The following CSMD1 variants were observed in gnomAD, a reference collection of about 807,000 sequenced individuals.
CSMD1 encodes CUB and Sushi multiple domains 1, also known as CUB and sushi domain-containing protein 1.
A neutral mutation model predicts 417.5 loss-of-function variants in CSMD1; 213 were observed. The observed-to-expected ratio is 0.51, with a 90% CI of 0.46 to 0.57. The LOEUF is 0.57. CSMD1 is among the 20% of genes least tolerant of loss of function. The pLI is 0.00. For missense variants in CSMD1, 6,923 were observed against 4,529.7 expected (o/e 1.53, Z -15.17); for synonymous variants, 2,862 against 1,736.8 (o/e 1.65, Z -16.11).
chr8:4,550,108 C>T (rs866994755), intron 2 of CSMD1, among the ~76,000 whole-genome samples: 8 of 151,630 alleles, frequency 5.3e-5, no homozygotes, highest in Non-Finnish European at 7.4e-5. Flanking sequence ...TCGGTAGAAA[C>T]GGACTTTTCC....
At chr8:4,549,748 T>C (rs1797783429) in intron 2 of CSMD1, among the ~76,000 whole-genome samples, 1 of 151,434 alleles carries the variant, frequency 6.6e-6, no homozygotes, top group African/African-American at 2.4e-5. Context: ...AATACAAAAA[T>C]TAGCTGGGTG....
intron 2 of CSMD1, among the ~76,000 whole-genome samples, chr8:4,589,660 A>G (rs1243822668): frequency 6.6e-6 from 1 of 152,210 alleles, no homozygotes; most frequent in Non-Finnish European, 1.5e-5. Context: ...TTGCACTGTG[A>G]AGACCAAGCA....
intron 1 of CSMD1, among the ~76,000 whole-genome samples, chr8:4,972,363 G>T (rs935116948): frequency 5.3e-5 from 8 of 152,104 alleles, no homozygotes; most frequent in Non-Finnish European, 8.8e-5. Context: ...GCAGGTAATT[G>T]AATCATGGGA....
chr8:3,144,665 T>C (rs1334994903), intron 40 of CSMD1, among the ~76,000 whole-genome samples: 3 of 151,926 alleles, frequency 2.0e-5, no homozygotes, highest in African/African-American at 7.3e-5. Context: ...TTCAAAAATG[T>C]CAAATACTGC....
At chr8:4,247,009 C>T (rs1411305545) in intron 3 of CSMD1, among the ~76,000 whole-genome samples, 2 of 152,122 alleles carry the variant, frequency 1.3e-5, no homozygotes, top group African/African-American at 2.4e-5. Flanking sequence ...AAACACTCAG[C>T]GCCCCATATG....
intron 46 of CSMD1, among the ~76,000 whole-genome samples, chr8:3,098,090 T>C (rs1028231407): frequency 6.6e-6 from 1 of 152,244 alleles, no homozygotes; most frequent in Non-Finnish European, 1.5e-5. Context: ...CACTGAATTA[T>C]CTTCCAGAAA....
At chr8:3,930,169 C>T (rs186342298) in intron 5 of CSMD1, among the ~76,000 whole-genome samples, 1 of 150,126 alleles carries the variant, frequency 6.7e-6, no homozygotes, top group African/African-American at 2.5e-5. Context: ...CCAGTGAGAA[C>T]ATCAGTTATA....
intron 8 of CSMD1, among the ~76,000 whole-genome samples, chr8:3,597,749 CA>C (rs1394881944): frequency 4.6e-5 from 7 of 152,056 alleles, no homozygotes; most frequent in Non-Finnish European, 1.0e-4. Context: ...GAAAACCAAA[CA>C]TTGCATGTTC....
intron 11 of CSMD1, among the ~76,000 whole-genome samples, chr8:3,483,835 T>C (rs1817877278): frequency 6.6e-6 from 1 of 152,162 alleles, no homozygotes; most frequent in African/African-American, 2.4e-5. Flanking sequence ...CTGAGTCAAC[T>C]TTTAAAAAAA....
At chr8:4,694,143 T>C (rs1052038184) in intron 1 of CSMD1, among the ~76,000 whole-genome samples, 9 of 152,170 alleles carry the variant, frequency 5.9e-5, no homozygotes, top group African/African-American at 2.2e-4. Flanking sequence ...CACGGGAATT[T>C]CCTTGTGGAC....
chr8:3,629,926 G>T (rs186022058), intron 7 of CSMD1, among the ~76,000 whole-genome samples: 1 of 152,182 alleles, frequency 6.6e-6, no homozygotes, highest in Admixed American at 6.5e-5. Flanking sequence ...TCTTGTCACA[G>T]TGTTTGTTTG....
At chr8:3,894,943 C>A (rs1052566762) in intron 5 of CSMD1, among the ~76,000 whole-genome samples, 3 of 152,118 alleles carry the variant, frequency 2.0e-5, no homozygotes, top group Admixed American at 6.6e-5. Flanking sequence ...ATGACAATTT[C>A]CAATATGATG....
rs577452529 is a variant in CSMD1, at chr8:3,860,292, C to T, written c.819-106250G>A. On this transcript the variant is annotated intron_variant, in intron 5 of 69. Transcript: ENST00000635120. Reference sequence around the variant, plus strand: ...TACTGAGAACTCTGCCCTTGGGAAACGTCCATAAAAACAAAGATCTTTTAG... The same window carrying T: ...TACTGAGAACTCTGCCCTTGGGAAATGTCCATAAAAACAAAGATCTTTTAG... Among the ~76,000 whole-genome samples, 40 of 152,128 alleles carry T rather than the reference C, an allele frequency of 2.6e-4. No individual in the cohort carries two copies. In the East Asian group the frequency reaches 6.0e-3, roughly 23 times the overall value.
intron 1 of CSMD1, among the ~76,000 whole-genome samples, chr8:4,704,032 C>A (rs1481355586): frequency 6.6e-6 from 1 of 152,198 alleles, no homozygotes; most frequent in Non-Finnish European, 1.5e-5. Context: ...CGAGGCGGAT[C>A]TCAGGCAGTA....
intron 42 of CSMD1, among the ~76,000 whole-genome samples, chr8:3,117,956 T>C (rs896194546): frequency 6.6e-6 from 1 of 152,140 alleles, no homozygotes; most frequent in Non-Finnish European, 1.5e-5. Flanking sequence ...TTTTCTGAAA[T>C]GCAAAATCAA....
chr8:4,427,577 C>G (rs1360617541), intron 2 of CSMD1, among the ~76,000 whole-genome samples: 2 of 151,986 alleles, frequency 1.3e-5, no homozygotes, highest in African/African-American at 4.8e-5. Context: ...ATTAAAATGT[C>G]CGCCATCATT....
At chr8:4,600,588 A>G (rs1321589349) in intron 2 of CSMD1, among the ~76,000 whole-genome samples, 1 of 152,234 alleles carries the variant, frequency 6.6e-6, no homozygotes, top group Non-Finnish European at 1.5e-5. Context: ...TAAAGAAAAC[A>G]TTTATTCAAA....
At chr8:4,147,665 G>T (rs1054581624) in intron 3 of CSMD1, among the ~76,000 whole-genome samples, 5 of 152,096 alleles carry the variant, frequency 3.3e-5, no homozygotes, top group African/African-American at 4.8e-5. Context: ...CTGGCTCATG[G>T]GAACCCCATT....
rs753907809 is a variant in CSMD1 at position 4,518,667 on chromosome 8, A to G, written c.303-98602T>C. 4.8e-4 allele frequency among the ~76,000 whole-genome samples: 71 copies of G among 149,310 alleles called. 1 individual carries two copies. The highest frequency in any genetic ancestry group is 5.5e-4 in the Non-Finnish European group (37 of 66,682). On this transcript the variant is annotated intron_variant, in intron 2 of 69. Transcript: ENST00000635120. ...GCATTAGGAGATATACCTAATGCTA[A>G]ATGACGAGTTAACGGTGCAGCACAC... is the stretch of plus-strand genomic sequence containing the variant.
Sources: gnomAD v4.1 joint callset for allele counts (sites outside exome capture counted in the v4.1 genomes callset) on GRCh38, gnomAD v4.1.1 for gene constraint, MANE v1.5 for transcripts, NCBI Gene and HGNC (gene_info 2026-07-23, HGNC 2026-07-21) for gene names.